The following TTBK2 variants were observed in gnomAD, a reference collection of about 807,000 sequenced individuals.
TTBK2 encodes tau tubulin kinase 2, also known as tau-tubulin kinase 2.
In TTBK2, 28 loss-of-function variants were observed where a neutral mutation model predicts 110.8. The observed-to-expected ratio is 0.25, with a 90% CI of 0.19 to 0.35. TTBK2 has a LOEUF of 0.35. Ranked by LOEUF, TTBK2 falls within the 10% of genes least tolerant of loss-of-function variation. TTBK2 has a pLI of 1.00. For synonymous variants in TTBK2, 532 were observed against 527.3 expected (o/e 1.01, Z -0.12); for missense variants, 1,369 against 1,500.3 (o/e 0.91, Z 1.45).
chr15:42,768,252 G>C (rs981697230), intron 13 of TTBK2, among the ~76,000 whole-genome samples: 3 of 152,238 alleles, frequency 2.0e-5, no homozygotes, highest in African/African-American at 7.2e-5. Flanking sequence ...AGTGTTGGAA[G>C]TTCTGGCCAG....
chr15:42,754,969 T>C lies in TTBK2; in HGVS notation c.1999-1722A>G, dbSNP rs192307203. Among the ~76,000 whole-genome samples, 581 of 144,390 alleles carry C rather than the reference T, an allele frequency of 4.0e-3. 7 individuals are homozygous for C. Among genetic ancestry groups the C allele is most frequent in the African/African-American group, 0.014 (559 of 38,738 alleles). 94.7% of individuals were successfully genotyped at this position (144,390 alleles called of 152,430 possible). A position where few individuals can be genotyped will look rare whatever the true frequency, so the allele number is the denominator to read the frequency against. On this transcript the variant is annotated intron_variant, in intron 13 of 14. Coordinates refer to ENST00000267890, the MANE Select transcript of TTBK2 (RefSeq NM_173500.4). ...GTTGTGGTGAGCCGAGATTGTGCCA[T>C]TGTACTCCAGCCTGGGCAATAAGAG...
intron 4 of TTBK2, among the ~76,000 whole-genome samples, chr15:42,833,129 C>G (rs1256920491): frequency 6.8e-6 from 1 of 148,132 alleles, no homozygotes; most frequent in Non-Finnish European, 1.5e-5. Flanking sequence ...TGTAATATTA[C>G]ATACAAAAAA....
intron 1 of TTBK2, 124 bp from the exon 2 acceptor site, chr15:42,878,808 A>AG: frequency 1.6e-6 from 2 of 1,255,728 alleles, no homozygotes; most frequent in Non-Finnish European, 2.2e-6. Flanking sequence ...GTTGGGAAGA[A>AG]GGGGAAAAAG....
chr15:42,895,738 C>T (rs551102504), intron 1 of TTBK2, among the ~76,000 whole-genome samples: 6 of 152,016 alleles, frequency 3.9e-5, no homozygotes, highest in African/African-American at 1.2e-4. Flanking sequence ...GGGGTTTCAC[C>T]GTGTTAGACA....
chr15:42,759,682 T>A (rs1477306256), intron 13 of TTBK2, among the ~76,000 whole-genome samples: 1 of 151,888 alleles, frequency 6.6e-6, no homozygotes, highest in African/African-American at 2.4e-5. Flanking sequence ...GCTGAAGAAA[T>A]TGCATGAAGA....
chr15:42,898,457 G>C (rs1217902865), intron 1 of TTBK2, among the ~76,000 whole-genome samples: 3 of 151,376 alleles, frequency 2.0e-5, no homozygotes, highest in African/African-American at 7.3e-5. Context: ...AGGTTGCAGA[G>C]AGCCAATCGT....
chr15:42,841,050 C>A (rs1893199396), intron 3 of TTBK2, among the ~76,000 whole-genome samples: 1 of 152,264 alleles, frequency 6.6e-6, no homozygotes, highest in Admixed American at 6.5e-5. Context: ...GTTTTTCAAC[C>A]CTGGCTACTT....
chr15:42,746,223 A>C lies in TTBK2; in HGVS notation c.3307T>G (p.Ser1103Ala). 1 of 1,614,134 alleles carries C rather than the reference A, an allele frequency of 6.2e-7. No individual in the cohort carries two copies. Among genetic ancestry groups the C allele is most frequent in the Non-Finnish European group, 8.5e-7 (1 of 1,180,018 alleles). Residue 1103 changes from serine (S) to alanine (A), a missense_variant, in exon 15 of 15, where the codon TCC becomes GCC. Around this residue, in one of 4 missense-constraint regions of TTBK2, gnomAD observed 1,097 missense variants for 1,114.7 expected, o/e 0.98. Transcript: ENST00000267890. ...AGGCGGGAGAAAAGGTCTGAGTCGG[A>C]GTTACTACTCCCTAGGACTTTATAT... Reference protein sequence around the residue: ...RRYKVLGSSNSDSDLFSRLAQ... With the variant: ...RRYKVLGSSNADSDLFSRLAQ...
intron 1 of TTBK2, among the ~76,000 whole-genome samples, chr15:42,894,532 T>G (rs908593178): frequency 6.6e-6 from 1 of 152,106 alleles, no homozygotes; most frequent in African/African-American, 2.4e-5. Context: ...CGGGTGGATT[T>G]CTTGAGCCCA....
chr15:42,826,183 T>C (rs1257712267), intron 6 of TTBK2, among the ~76,000 whole-genome samples: 2 of 152,140 alleles, frequency 1.3e-5, no homozygotes, highest in Admixed American at 6.5e-5. Context: ...TGATTTTACA[T>C]TAGTAGAATA....
intron 13 of TTBK2, among the ~76,000 whole-genome samples, chr15:42,757,817 T>C (rs1053870206): frequency 1.3e-5 from 2 of 152,218 alleles, no homozygotes; most frequent in African/African-American, 4.8e-5. Context: ...ATTTCCTTTC[T>C]TCTGTTCTGT....
At chr15:42,864,786 T>A (rs1166507012) in intron 3 of TTBK2, among the ~76,000 whole-genome samples, 5 of 152,088 alleles carry the variant, frequency 3.3e-5, no homozygotes, top group African/African-American at 7.2e-5. Context: ...GAAACCCAGA[T>A]GTGAAGAAGG....
Position 42,752,574 on chromosome 15 carries a change from C to G in TTBK2, c.2672G>C (p.Gly891Ala), listed in dbSNP as rs565246063. The G allele has an allele frequency of 6.2e-6, 10 of 1,614,130 alleles. No individual in the cohort carries two copies. The highest frequency in any genetic ancestry group is 1.7e-5 in the Admixed American group (1 of 60,014). Reference protein sequence around the residue: ...DDDIMSEDLPGHQGDLSTFLH... With the variant: ...DDDIMSEDLPAHQGDLSTFLH... ...AAAAGTAGAGAGGTCTCCTTGATGA[C>G]CTGGCAAGTCTTCACTCATGATGTC... Residue 891 changes from glycine to alanine, a missense_variant, in exon 14 of 15, where the codon GGT becomes GCT. Around this residue, in one of 4 missense-constraint regions of TTBK2, gnomAD observed 1,097 missense variants for 1,114.7 expected, o/e 0.98. Transcript: ENST00000267890.
chr15:42,901,455 C>G (rs2141190000), intron 1 of TTBK2, among the ~76,000 whole-genome samples: 1 of 151,142 alleles, frequency 6.6e-6, no homozygotes, highest in East Asian at 1.9e-4. Context: ...CAAAACAAAA[C>G]AAAACAAAAA....
At chr15:42,816,301 G>A (rs1466448960) in intron 7 of TTBK2, among the ~76,000 whole-genome samples, 1 of 150,110 alleles carries the variant, frequency 6.7e-6, no homozygotes, top group Admixed American at 6.7e-5. Flanking sequence ...ATTTTTAGTA[G>A]AGATGGGGTT....
chr15:42,835,654 G>C (rs1324111259), intron 4 of TTBK2, among the ~76,000 whole-genome samples: 1 of 151,936 alleles, frequency 6.6e-6, no homozygotes, highest in Non-Finnish European at 1.5e-5. Context: ...TTATTAAAGA[G>C]ATGGACGATC....
In TTBK2 at chr15:42,786,730, T is replaced by G. The variant is rs190245837; in HGVS notation, c.981-3095A>C. Among the ~76,000 whole-genome samples the G allele has an allele frequency of 1.7e-3, 253 of 152,298 alleles. 1 individual carries two copies. The highest frequency in any genetic ancestry group is 6.8e-3 in the Middle Eastern group (2 of 294). On this transcript the variant is annotated intron_variant, in intron 10 of 14. Transcript: ENST00000267890. ...TCGTCCATCTTCTCCACACAGGCTC[T>G]CTTTTATAGGACTCAGGTTCCTCTC...
chr15:42,905,823 T>A (rs942234804), intron 1 of TTBK2, among the ~76,000 whole-genome samples: 5 of 152,102 alleles, frequency 3.3e-5, no homozygotes, highest in African/African-American at 1.2e-4. Context: ...GTAATGACAA[T>A]CACTAAGCAT....
At chr15:42,852,415 A>G (rs1893756332) in intron 3 of TTBK2, among the ~76,000 whole-genome samples, 1 of 152,190 alleles carries the variant, frequency 6.6e-6, no homozygotes, top group African/African-American at 2.4e-5. Context: ...AATAGCTTTT[A>G]ATTACATTAC....
Sources: gnomAD v4.1 joint callset for allele counts (sites outside exome capture counted in the v4.1 genomes callset) on GRCh38, gnomAD v4.1.1 for gene constraint, gnomAD v4.1.1 regional missense constraint, MANE v1.5 for transcripts, NCBI Gene and HGNC (gene_info 2026-07-23, HGNC 2026-07-21) for gene names.